The following ESRRG variants were observed in gnomAD, a reference collection of about 807,000 sequenced individuals.
ESRRG encodes estrogen-related receptor gamma.
ESRRG carries 13 observed loss-of-function variants against 44.0 expected under a neutral mutation model. That is an observed-to-expected ratio of 0.30 (90% CI 0.19 to 0.47). The LOEUF is 0.47. Among genes scored for constraint, ESRRG ranks in the 20% least tolerant of loss-of-function variants. ESRRG has a pLI of 1.00. For missense variants in ESRRG, 395 were observed against 580.6 expected, an observed-to-expected ratio of 0.68 and a Z score of 3.29; for synonymous variants, 215 against 214.6, an observed-to-expected ratio of 1.00 and a Z score of -0.02.
chr1:217,032,743 A>G (rs1415757614), intron 1 of ESRRG, among the ~76,000 whole-genome samples: 1 of 152,234 alleles, frequency 6.6e-6, no homozygotes, highest in East Asian at 1.9e-4. Flanking sequence ...TGAAACTTCA[A>G]GAATGGAATT....
chr1:216,626,479 G>A (rs1358923440), intron 3 of ESRRG, among the ~76,000 whole-genome samples: 2 of 152,136 alleles, frequency 1.3e-5, no homozygotes, highest in African/African-American at 4.8e-5. Flanking sequence ...TGGATACTGT[G>A]GCTCCACTAT....
chr1:217,055,840 A>T (rs1219091709), intron 1 of ESRRG, among the ~76,000 whole-genome samples: 1 of 152,150 alleles, frequency 6.6e-6, no homozygotes, highest in Non-Finnish European at 1.5e-5. Context: ...CCACACCCAG[A>T]TGTCTATACA....
chr1:216,637,022 T>C (rs1283546978), intron 3 of ESRRG, among the ~76,000 whole-genome samples: 1 of 152,194 alleles, frequency 6.6e-6, no homozygotes, highest in African/African-American at 2.4e-5. Context: ...TGCAGACATA[T>C]ACAGAATCGT....
intron 1 of ESRRG, among the ~76,000 whole-genome samples, chr1:217,080,892 T>C (rs1231049581): frequency 6.6e-6 from 1 of 152,014 alleles, no homozygotes; most frequent in Non-Finnish European, 1.5e-5. Flanking sequence ...TTAGCCAGGA[T>C]GGTCTCAATC....
At chr1:216,957,083 A>T (rs1363037203) in intron 1 of ESRRG, among the ~76,000 whole-genome samples, 1 of 152,222 alleles carries the variant, frequency 6.6e-6, no homozygotes, top group African/African-American at 2.4e-5. Flanking sequence ...GGACTTGGTT[A>T]GATTCTTATA....
At chr1:216,865,315 G>A (rs2149142207) in intron 2 of ESRRG, 1 of 151,872 alleles carries the variant, frequency 6.6e-6, no homozygotes, top group Admixed American at 6.6e-5. Flanking sequence ...GGACAAAGCG[G>A]CCGTTTGCTC....
At position 217,079,156 on chromosome 1, in the gene ESRRG, G is replaced by A. The variant is rs140327761; in HGVS notation, c.-106+10351C>T. Among the ~76,000 whole-genome samples the A allele has an allele frequency of 2.3e-3, 350 of 152,358 alleles. 2 individuals carry two copies. Among genetic ancestry groups the A allele is most frequent in the African/African-American group, 7.6e-3 (317 of 41,582 alleles). On this transcript the variant is annotated intron_variant, in intron 1 of 7. Transcript: ENST00000359162. ...AGACAGAGAAAAAGAGAGAGACAGAGACAGAAGGTAAGGGCGGCTGCTAGT... is the reference window on the plus strand; with the variant it reads ...AGACAGAGAAAAAGAGAGAGACAGAAACAGAAGGTAAGGGCGGCTGCTAGT...
At chr1:217,007,620 C>A (rs1243061721) in intron 1 of ESRRG, among the ~76,000 whole-genome samples, 5 of 152,118 alleles carry the variant, frequency 3.3e-5, no homozygotes, top group African/African-American at 9.7e-5. Flanking sequence ...CCATAAAATT[C>A]TTCTCCTTCC....
At chr1:216,979,766 T>G (rs1181746812) in intron 1 of ESRRG, among the ~76,000 whole-genome samples, 1 of 152,152 alleles carries the variant, frequency 6.6e-6, no homozygotes, top group Non-Finnish European at 1.5e-5. Flanking sequence ...ATAACTGGAA[T>G]GAAAATTTAA....
In ESRRG at chr1:216,568,182, GC is replaced by G. The variant is rs142067973; in HGVS notation, c.590-85del. ...AATACCTAGATGGTATCCCCCAAGA[GC>G]ACATAGGTGACAAACAGTAGAATGC... On this transcript the variant is annotated intron_variant, in intron 3 of 6. Transcript: ENST00000408911. The G allele has an allele frequency of 1.2e-3, 1,114 of 915,668 alleles. 8 individuals are homozygous for G. The highest frequency in any genetic ancestry group is 0.012 in the African/African-American group (734 of 61,848). The allele number at this position is 915,668 out of a possible 1,614,324, so 56.7% of individuals were successfully genotyped here. A position where few individuals can be genotyped will look rare whatever the true frequency, so the allele number is the denominator to read the frequency against.
intron 1 of ESRRG, among the ~76,000 whole-genome samples, chr1:216,688,018 G>GA (rs1478256491): frequency 2.2e-4 from 33 of 149,614 alleles, no homozygotes; most frequent in East Asian, 3.9e-4. Flanking sequence ...GGATCTTTGG[G>GA]AAAAAAAACA....
At chr1:216,911,946 G>T (rs2060355166) in intron 2 of ESRRG, among the ~76,000 whole-genome samples, 1 of 151,276 alleles carries the variant, frequency 6.6e-6, no homozygotes, top group South Asian at 2.1e-4. Context: ...GTGGTGATGT[G>T]CACCTGTAGT....
At chr1:216,649,911 A>T (rs1237599748) in intron 3 of ESRRG, among the ~76,000 whole-genome samples, 1 of 152,174 alleles carries the variant, frequency 6.6e-6, no homozygotes, top group Non-Finnish European at 1.5e-5. Context: ...ACTCTTGGTG[A>T]ATTAATATGT....
chr1:217,077,738 AC>A (rs937828139), intron 1 of ESRRG, among the ~76,000 whole-genome samples: 6 of 152,248 alleles, frequency 3.9e-5, no homozygotes, highest in African/African-American at 1.4e-4. Flanking sequence ...GAGAGCAAGA[AC>A]AGTACAAATT....
At chr1:217,017,992 A>C (rs894429857) in intron 1 of ESRRG, among the ~76,000 whole-genome samples, 1 of 152,224 alleles carries the variant, frequency 6.6e-6, no homozygotes, top group Non-Finnish European at 1.5e-5. Context: ...CTGCCAAATA[A>C]GTTTTGTGGC....
At chr1:217,068,020 T>C (rs991289808) in intron 1 of ESRRG, among the ~76,000 whole-genome samples, 2 of 152,184 alleles carry the variant, frequency 1.3e-5, no homozygotes, top group Non-Finnish European at 2.9e-5. Flanking sequence ...ATTACTCTCT[T>C]ATTACATGGT....
chr1:216,826,704 G>T (rs1463672992), intron 2 of ESRRG, among the ~76,000 whole-genome samples: 1 of 152,080 alleles, frequency 6.6e-6, no homozygotes, highest in African/African-American at 2.4e-5. Context: ...GAGTCCAAAA[G>T]TCTTTGTCTT....
chr1:216,713,208 G>A (rs541650085), intron 1 of ESRRG, among the ~76,000 whole-genome samples: 19 of 152,030 alleles, frequency 1.2e-4, no homozygotes, highest in Admixed American at 6.6e-4. Context: ...AAGAGAAAAT[G>A]GCAGAACTGG....
chr1:216,784,478 G>A (rs1266967163), intron 2 of ESRRG, among the ~76,000 whole-genome samples: 1 of 151,830 alleles, frequency 6.6e-6, no homozygotes, highest in Non-Finnish European at 1.5e-5. Context: ...GAATATATGG[G>A]TAAAAGATAC....
Sources: gnomAD v4.1 joint callset for allele counts (sites outside exome capture counted in the v4.1 genomes callset) on GRCh38, gnomAD v4.1.1 for gene constraint, MANE v1.5 for transcripts, NCBI Gene and HGNC (gene_info 2026-07-23, HGNC 2026-07-21) for gene names.